ADK: variants seen among roughly 807,000 people sequenced by gnomAD.
The protein encoded by ADK is N6,N6-dimethyladenosine kinase.
Under a neutral mutation model 44.7 loss-of-function variants are expected in ADK, and 24 were observed. The ratio of observed to expected loss-of-function variants is 0.54; its 90% confidence interval spans 0.39 to 0.76. ADK has a LOEUF of 0.76. Among genes scored for constraint, ADK ranks in the 30% least tolerant of loss-of-function variants. The probability of loss-of-function intolerance (pLI) is 0.00; values close to 1 mark genes in which losing one functional copy is unlikely to be tolerated. For synonymous variants in ADK, 128 were observed against 142.6 expected, an observed-to-expected ratio of 0.90 and a Z score of 0.73; for missense variants, 321 against 425.1, an observed-to-expected ratio of 0.76 and a Z score of 2.15.
intron 7 of ADK, among the ~76,000 whole-genome samples, chr10:74,558,561 C>T (rs1209889998): frequency 6.6e-6 from 1 of 152,228 alleles, no homozygotes. Flanking sequence ...ATGCACCTTG[C>T]TTCTCCTTCA....
At chr10:74,381,550 A>G (rs575139716) in intron 4 of ADK, among the ~76,000 whole-genome samples, 2 of 152,216 alleles carry the variant, frequency 1.3e-5, no homozygotes, top group Non-Finnish European at 2.9e-5. Context: ...AGCACAGACG[A>G]TTGTGTGTAA....
intron 4 of ADK, among the ~76,000 whole-genome samples, chr10:74,391,657 A>ACACACACACG (rs1843336250): frequency 2.1e-5 from 1 of 48,336 alleles, no homozygotes; most frequent in African/African-American, 4.6e-5. Flanking sequence ...GAATATACAC[A>ACACACACACG]CACACACACA....
At chr10:74,162,626 C>T (rs1307065930) in intron 1 of ADK, among the ~76,000 whole-genome samples, 1 of 151,512 alleles carries the variant, frequency 6.6e-6, no homozygotes. Flanking sequence ...CTCACTGCAA[C>T]CTCCACCTCC....
In ADK at chr10:74,260,055, A is replaced by T. The variant is rs548280712; in HGVS notation, c.194+35464A>T. Among the ~76,000 whole-genome samples the T allele has an allele frequency of 8.3e-5, 12 of 144,614 alleles. No homozygotes were observed. In the South Asian group the frequency reaches 1.3e-3, roughly 16 times the overall value. The allele number at this position is 144,614 out of a possible 152,430, so 94.9% of individuals were successfully genotyped here. ...TGACCCATTATAGCTTTGGCCATTTAAAAAAAAAAACCTTCAAAGGTAATA... is the reference window on the plus strand; with the variant it reads ...TGACCCATTATAGCTTTGGCCATTTTAAAAAAAAAACCTTCAAAGGTAATA... On this transcript the variant is annotated intron_variant, in intron 3 of 10. Coordinates refer to ENST00000539909, the MANE Select transcript of ADK (RefSeq NM_006721.4).
At chr10:74,218,242 T>C (rs948916289) in intron 2 of ADK, among the ~76,000 whole-genome samples, 3 of 152,082 alleles carry the variant, frequency 2.0e-5, no homozygotes, top group Admixed American at 2.0e-4. Context: ...CAGGAGCCGA[T>C]GTGATCAACT....
At chr10:74,588,013 TA>T (rs1851588580) in intron 7 of ADK, among the ~76,000 whole-genome samples, 1 of 152,118 alleles carries the variant, frequency 6.6e-6, no homozygotes. Flanking sequence ...CAACTGTTTT[TA>T]CCCTGTCATC....
At chr10:74,372,930 A>G (rs1178544432) in intron 4 of ADK, among the ~76,000 whole-genome samples, 1 of 152,172 alleles carries the variant, frequency 6.6e-6, no homozygotes, top group Non-Finnish European at 1.5e-5. Context: ...TCACTTCCCA[A>G]TTAAAAAACG....
At chr10:74,213,149 CCAGT>C (rs944904721) in intron 2 of ADK, among the ~76,000 whole-genome samples, 20 of 152,184 alleles carry the variant, frequency 1.3e-4, no homozygotes, top group Middle Eastern at 3.4e-3. Context: ...GCTGTGTTGC[CCAGT>C]CTGGAGTGCA....
chr10:74,182,040 G>A (rs970885377), intron 1 of ADK, among the ~76,000 whole-genome samples: 6 of 152,112 alleles, frequency 3.9e-5, no homozygotes, highest in African/African-American at 7.2e-5. Flanking sequence ...GGGTGGGGTC[G>A]TGGGGTATTT....
At chr10:74,346,926 C>T (rs548650500) in intron 4 of ADK, among the ~76,000 whole-genome samples, 329 of 151,696 alleles carry the variant, frequency 2.2e-3, no homozygotes, top group African/African-American at 6.6e-3. Context: ...CTGGCTAACA[C>T]GGTGAAACCC....
intron 4 of ADK, among the ~76,000 whole-genome samples, chr10:74,384,592 C>T (rs1175488187): frequency 2.0e-5 from 3 of 152,044 alleles, no homozygotes; most frequent in African/African-American, 7.2e-5. Flanking sequence ...ATTGCTCGAA[C>T]CTGGAAGGCA....
chr10:74,183,802 C>G (rs1165886677), intron 1 of ADK, among the ~76,000 whole-genome samples: 2 of 152,178 alleles, frequency 1.3e-5, no homozygotes, highest in African/African-American at 4.8e-5. Flanking sequence ...GCCACCACGC[C>G]TGGCCATGAA....
chr10:74,421,801 G>A lies in ADK; in HGVS notation c.555+23222G>A, dbSNP rs1194419369. On this transcript the variant is annotated intron_variant, in intron 6 of 10. Transcript: ENST00000539909. Reference sequence around the variant, plus strand: ...AAGGGACACATGAGCCAATGTGAAAGAACTCCGAGTGGCCGTAGCTGGAAT... The same window carrying A: ...AAGGGACACATGAGCCAATGTGAAAAAACTCCGAGTGGCCGTAGCTGGAAT... Among the ~76,000 whole-genome samples, 16 of 152,138 alleles carry A rather than the reference G, an allele frequency of 1.1e-4. 1 individual carries two copies. Among genetic ancestry groups the A allele is most frequent in the Admixed American group, 1.0e-3 (16 of 15,272 alleles).
At chr10:74,544,748 G>T (rs1564784559) in intron 7 of ADK, among the ~76,000 whole-genome samples, 1 of 152,010 alleles carries the variant, frequency 6.6e-6, no homozygotes, top group Non-Finnish European at 1.5e-5. Context: ...GGTGATGCAT[G>T]CTACTCGGGA....
At chr10:74,431,066 CAAAA>C (rs35141788) in intron 6 of ADK, among the ~76,000 whole-genome samples, 1 of 57,238 alleles carries the variant, frequency 1.7e-5, no homozygotes, top group Non-Finnish European at 3.0e-5. Context: ...GACTCCGTCT[CAAAA>C]AAAAAAAAAA....
intron 6 of ADK, among the ~76,000 whole-genome samples, chr10:74,420,980 A>G (rs959222691): frequency 2.6e-5 from 4 of 152,208 alleles, no homozygotes; most frequent in African/African-American, 7.2e-5. Context: ...GATACATGAT[A>G]CTATGCATTT....
At chr10:74,538,586 T>G (rs1283734906) in intron 7 of ADK, among the ~76,000 whole-genome samples, 1 of 152,196 alleles carries the variant, frequency 6.6e-6, no homozygotes, top group African/African-American at 2.4e-5. Flanking sequence ...GCTAGATAGA[T>G]CAGGACATTT....
chr10:74,553,205 T>G (rs1023580455), intron 7 of ADK, among the ~76,000 whole-genome samples: 3 of 128,222 alleles, frequency 2.3e-5, no homozygotes, highest in Non-Finnish European at 3.3e-5. Context: ...TTTTTTTTTT[T>G]TTTTTTTTTT....
chr10:74,441,964 A>C (rs745927935), intron 6 of ADK, among the ~76,000 whole-genome samples: 5 of 152,116 alleles, frequency 3.3e-5, no homozygotes, highest in Admixed American at 6.6e-5. Flanking sequence ...AGTGTCCCTA[A>C]TCATCAAAGA....
Sources: allele counts gnomAD v4.1 joint callset (sites outside exome capture counted in the v4.1 genomes callset), GRCh38; gene constraint gnomAD v4.1.1; transcripts MANE v1.5; gene names NCBI Gene and HGNC (gene_info 2026-07-23, HGNC 2026-07-21).